The following DYNC2LI1 variants were observed in gnomAD, a reference collection of about 807,000 sequenced individuals.
DYNC2LI1 encodes cytoplasmic dynein 2 light intermediate chain 1.
A neutral mutation model predicts 51.9 loss-of-function variants in DYNC2LI1; 45 were observed. That is an observed-to-expected ratio of 0.87 (90% CI 0.68 to 1.11). The LOEUF (loss-of-function observed/expected upper bound fraction) is 1.11. Among genes scored for constraint, DYNC2LI1 ranks in the 50% most tolerant of loss-of-function variants. The pLI, the probability that DYNC2LI1 is intolerant of heterozygous loss-of-function variation, is 0.00. For missense variants in DYNC2LI1, 490 were observed against 417.4 expected (o/e 1.17, Z -1.51); for synonymous variants, 130 against 137.8 (o/e 0.94, Z 0.40).
At chr2:43,782,070 G>T (rs920109999) in intron 2 of DYNC2LI1, among the ~76,000 whole-genome samples, 1 of 150,430 alleles carries the variant, frequency 6.6e-6, no homozygotes, top group Non-Finnish European at 1.5e-5. Flanking sequence ...TTTTTTAATT[G>T]AAAACAGAGA....
intron 6 of DYNC2LI1, 121 bp downstream of exon 6, chr2:43,794,764 C>A (rs559002219): frequency 1.9e-6 from 3 of 1,552,640 alleles, no homozygotes; most frequent in Admixed American, 2.0e-5. Flanking sequence ...TGTAGATGAA[C>A]CTGTTCACTG....
chr2:43,780,986 T>C (rs2104664776), intron 2 of DYNC2LI1, among the ~76,000 whole-genome samples: 1 of 152,330 alleles, frequency 6.6e-6, no homozygotes, highest in Middle Eastern at 3.4e-3. Flanking sequence ...AATGATAATC[T>C]AAAACTTGAT....
chr2:43,807,507 A>G (rs1270988530), intron 12 of DYNC2LI1, among the ~76,000 whole-genome samples: 1 of 151,900 alleles, frequency 6.6e-6, no homozygotes, highest in Admixed American at 6.6e-5. Flanking sequence ...TGGGGAGATC[A>G]TGGCTCACTG....
At chr2:43,817,859 G>A in the DYNC2LI1 span, among the ~76,000 whole-genome samples, 2 of 151,974 alleles carry the variant, frequency 1.3e-5, no homozygotes, top group African/African-American at 4.8e-5. Context: ...ACAGTGAGCC[G>A]AGATCGCGCC....
chr2:43,790,856 C>G (rs1265398204), intron 5 of DYNC2LI1, among the ~76,000 whole-genome samples: 3 of 151,976 alleles, frequency 2.0e-5, no homozygotes, highest in African/African-American at 4.8e-5. Context: ...TTTCATTTGT[C>G]TTTCTTTAAT....
intron 2 of DYNC2LI1, among the ~76,000 whole-genome samples, chr2:43,778,355 C>T (rs1179718193): frequency 1.3e-5 from 2 of 151,916 alleles, no homozygotes; most frequent in Non-Finnish European, 2.9e-5. Context: ...GGTTTCACTG[C>T]GTTGCCCAGG....
At chr2:43,788,176 C>A (rs564776445) in intron 4 of DYNC2LI1, among the ~76,000 whole-genome samples, 94 of 152,272 alleles carry the variant, frequency 6.2e-4, no homozygotes, top group Non-Finnish European at 1.2e-3. Context: ...GCTCTAAAAG[C>A]TTCCCTTTAT....
chr2:43,788,408 A>G (rs556474400), intron 4 of DYNC2LI1, among the ~76,000 whole-genome samples: 3 of 152,260 alleles, frequency 2.0e-5, no homozygotes, highest in Admixed American at 6.5e-5. Flanking sequence ...TTTTTTCTAA[A>G]CTGTGTACTA....
At chr2:43,797,811 C>T in intron 8 of DYNC2LI1, among the ~76,000 whole-genome samples, 1 of 152,118 alleles carries the variant, frequency 6.6e-6, no homozygotes, top group East Asian at 1.9e-4. Flanking sequence ...AGCCACCATG[C>T]CTGGCCAAAA....
the DYNC2LI1 span, chr2:43,826,457 G>A: frequency 6.2e-7 from 1 of 1,614,158 alleles, no homozygotes. Flanking sequence ...CCACCAGGAG[G>A]ACGACAATCT....
chr2:43,783,974 T>C (rs1673405236), intron 3 of DYNC2LI1, among the ~76,000 whole-genome samples: 1 of 152,220 alleles, frequency 6.6e-6, no homozygotes, highest in African/African-American at 2.4e-5. Context: ...TTATTTTATA[T>C]ATTTCCTAAC....
chr2:43,796,659 A>T, intron 7 of DYNC2LI1, 59 bp from the exon 8 acceptor site: 1 of 1,238,958 alleles, frequency 8.1e-7, no homozygotes, highest in East Asian at 2.3e-5. Flanking sequence ...TAATAATTTG[A>T]ATCTTCCTGC....
the DYNC2LI1 span, chr2:43,828,033 G>A: frequency 6.2e-6 from 10 of 1,613,986 alleles, no homozygotes; most frequent in Middle Eastern, 1.6e-4. Context: ...CCGCTCACCC[G>A]TGGAAATGCC....
downstream of DYNC2LI1, chr2:43,814,603 AAAC>A: frequency 6.6e-7 from 1 of 1,511,580 alleles, no homozygotes; most frequent in Non-Finnish European, 9.2e-7. Flanking sequence ...AAGAAAAAGA[AAAC>A]AAAAATGAAA....
rs532734774 is a variant in DYNC2LI1, at chr2:43,803,915, T to TAAAG, written c.803-725_803-722dup. On this transcript the variant is annotated intron_variant, in intron 10 of 12. Coordinates refer to ENST00000260605, the MANE Select transcript of DYNC2LI1 (RefSeq NM_016008.4). ...CAAATTAAATTATACAAGTAACACA[T>TAAAG]AAAGATATCTCCTTGTAAAAAGGTA... Among the ~76,000 whole-genome samples, 43 of 152,312 alleles carry TAAAG rather than the reference T, an allele frequency of 2.8e-4. 1 individual carries two copies. In the East Asian group the frequency reaches 6.5e-3, roughly 23 times the overall value.
At chr2:43,806,615 T>A (rs78451356) in intron 12 of DYNC2LI1, among the ~76,000 whole-genome samples, 3 of 152,132 alleles carry the variant, frequency 2.0e-5, no homozygotes, top group East Asian at 1.9e-4. Context: ...AATATTTATC[T>A]AGGAGTCAAT....
At chr2:43,822,475 CAG>C in the DYNC2LI1 span, 159 of 660,076 alleles carry the variant, frequency 2.4e-4, no homozygotes, top group Middle Eastern at 7.9e-4. Flanking sequence ...TCCCCTCCCC[CAG>C]GCCCCCCCCC....
rs907673827 is a variant in DYNC2LI1, at chr2:43,783,525, G to T, written c.132G>T (p.Lys44Asn). 4 of 1,531,708 alleles carry T rather than the reference G, an allele frequency of 2.6e-6. No homozygotes were observed. Among genetic ancestry groups the T allele is most frequent in the African/African-American group, 2.9e-5 (2 of 69,498 alleles). 94.9% of individuals were successfully genotyped at this position (1,531,708 alleles called of 1,614,324 possible). A position where few individuals can be genotyped will look rare whatever the true frequency, so the allele number is the denominator to read the frequency against. ...CCTTCTTTTTTAATTTCCAGGGAAA[G>T]ACTACTATTATTCTAAGGTGTCTTG... The part of the protein sequence containing the change: ...VFFIGSKNGG[K>N]TTIILRCLDR... Residue 44 changes from lysine (K) to asparagine (N), a missense_variant, in exon 3 of 13, where the codon AAG (lysine) becomes AAT (asparagine). Coordinates refer to ENST00000260605, the MANE Select transcript of DYNC2LI1 (RefSeq NM_016008.4).
At chr2:43,818,541 C>G in the DYNC2LI1 span, among the ~76,000 whole-genome samples, 1 of 152,144 alleles carries the variant, frequency 6.6e-6, no homozygotes, top group Non-Finnish European at 1.5e-5. Flanking sequence ...TGAAATGGCA[C>G]CAGATTAACT....
Sources: allele counts gnomAD v4.1 joint callset (sites outside exome capture counted in the v4.1 genomes callset), GRCh38; gene constraint gnomAD v4.1.1; transcripts MANE v1.5; gene names NCBI Gene and HGNC (gene_info 2026-07-23, HGNC 2026-07-21).